Variants in SORBS2 observed in about 807,000 individuals in gnomAD.
SORBS2 encodes the protein sorbin and SH3 domain-containing protein 2.
SORBS2 carries 46 observed loss-of-function variants against 97.7 expected under a neutral mutation model. That is an observed-to-expected ratio of 0.47 (90% CI 0.37 to 0.60). SORBS2 has a LOEUF of 0.60. Ranked by LOEUF, SORBS2 falls within the 20% of genes least tolerant of loss-of-function variation. The pLI, the probability that SORBS2 is intolerant of heterozygous loss-of-function variation, is 0.00. For missense variants in SORBS2, 1,316 were observed against 1,282.3 expected (o/e 1.03, Z -0.40); for synonymous variants, 476 against 473.4 (o/e 1.01, Z -0.07).
exon 11 of SORBS2, chr4:185,614,930 A>C: frequency 1.9e-6 from 3 of 1,614,162 alleles, no homozygotes; most frequent in Non-Finnish European, 1.7e-6. Context: ...GTGGTCTTGC[A>C]GGCTGTGCTT....
chr4:185,838,371 C>A (rs1302858898), intron 1 of SORBS2, among the ~76,000 whole-genome samples: 2 of 152,250 alleles, frequency 1.3e-5, no homozygotes, highest in Non-Finnish European at 2.9e-5. Context: ...ACCATCATGC[C>A]AGGGGCGTCA....
At chr4:185,723,488 T>C (rs755886572) in intron 2 of SORBS2, among the ~76,000 whole-genome samples, 1 of 152,162 alleles carries the variant, frequency 6.6e-6, no homozygotes, top group Non-Finnish European at 1.5e-5. Context: ...CTAAGGGAAG[T>C]TGGGAGAAGA....
intron 1 of SORBS2, among the ~76,000 whole-genome samples, chr4:185,943,687 G>T (rs775210967): frequency 6.6e-6 from 1 of 152,084 alleles, no homozygotes; most frequent in Non-Finnish European, 1.5e-5. Context: ...AAGAACAAAA[G>T]AATAAAATAA....
At chr4:185,888,130 A>C (rs1399205634) in intron 1 of SORBS2, among the ~76,000 whole-genome samples, 1 of 151,454 alleles carries the variant, frequency 6.6e-6, no homozygotes, top group Non-Finnish European at 1.5e-5. Context: ...ATTTATTCTG[A>C]GTTTTCATTG....
chr4:185,585,702 T>G (rs932392164), exon 15 of SORBS2: 8 of 152,236 alleles, frequency 5.3e-5, no homozygotes, highest in African/African-American at 1.9e-4. Flanking sequence ...GATATTGAAG[T>G]CTTTTCTCAT....
At chr4:185,819,742 T>TG (rs1159981092) in intron 1 of SORBS2, among the ~76,000 whole-genome samples, 1 of 152,202 alleles carries the variant, frequency 6.6e-6, no homozygotes, top group Non-Finnish European at 1.5e-5. Context: ...CATTCCTGCC[T>TG]GGGGGTGTCC....
chr4:185,677,065 T>A (rs1477843383), intron 4 of SORBS2: 1 of 1,551,600 alleles, frequency 6.4e-7, no homozygotes. Flanking sequence ...TGAAGAGGTA[T>A]CTTTGCAGTC....
exon 10 of SORBS2, chr4:185,615,069 G>T: frequency 1.9e-6 from 3 of 1,613,584 alleles, no homozygotes; most frequent in Non-Finnish European, 2.5e-6. Flanking sequence ...TCGGGAAGAT[G>T]CCCACTCTCC....
chr4:185,720,323 C>A (rs1222055498), intron 2 of SORBS2, among the ~76,000 whole-genome samples: 1 of 120,430 alleles, frequency 8.3e-6, no homozygotes, highest in Non-Finnish European at 1.8e-5. Context: ...AGAATCCAGA[C>A]AATTTCAATA....
chr4:185,906,299 C>T (rs1413669106), intron 1 of SORBS2, among the ~76,000 whole-genome samples: 1 of 152,196 alleles, frequency 6.6e-6, no homozygotes, highest in African/African-American at 2.4e-5. Flanking sequence ...TCCCAAAGTG[C>T]TGGGATTATA....
At chr4:185,882,317 CTT>C (rs1284089152) in intron 1 of SORBS2, among the ~76,000 whole-genome samples, 1 of 152,040 alleles carries the variant, frequency 6.6e-6, no homozygotes, top group Non-Finnish European at 1.5e-5. Flanking sequence ...ATAATAGGAA[CTT>C]TATTTGAAAA....
At chr4:185,769,401 A>G (rs2098956317) in intron 2 of SORBS2, among the ~76,000 whole-genome samples, 1 of 152,254 alleles carries the variant, frequency 6.6e-6, no homozygotes, top group African/African-American at 2.4e-5. Context: ...GTTGTTTGGC[A>G]TCACCATCAT....
intron 1 of SORBS2, among the ~76,000 whole-genome samples, chr4:185,845,646 G>A (rs992689370): frequency 8.5e-5 from 13 of 152,088 alleles, no homozygotes; most frequent in Non-Finnish European, 1.3e-4. Context: ...CACAAAATAT[G>A]TATCTGATAA....
At chr4:185,944,715 CTT>C (rs986241928) in intron 1 of SORBS2, among the ~76,000 whole-genome samples, 6 of 152,152 alleles carry the variant, frequency 3.9e-5, no homozygotes, top group African/African-American at 1.4e-4. Context: ...CCTCAAGTGA[CTT>C]TACATCCTGG....
intron 5 of SORBS2, 31 bp downstream of exon 8, chr4:185,662,073 C>G: frequency 6.2e-7 from 1 of 1,612,388 alleles, no homozygotes; most frequent in Non-Finnish European, 8.5e-7. Flanking sequence ...ATTGAGGTTG[C>G]CATGGAAATC....
rs554191741 is a variant in SORBS2, at chr4:185,672,276, C to T, written c.-46+6147G>A. Among the ~76,000 whole-genome samples the T allele has an allele frequency of 3.3e-5, 5 of 152,336 alleles. No homozygotes were observed. In the South Asian group the frequency reaches 6.2e-4, roughly 19 times the overall value. On this transcript the variant is annotated intron_variant, in intron 4 of 20. Coordinates refer to the SORBS2 transcript ENST00000284776. ...CAGTCGGGCAAGTTCCCCTGTGAGT[C>T]CCCAGCATATGTGCAGTGGCAGCTG...
At chr4:185,593,822 G>T in intron 13 of SORBS2, 64 bp downstream of exon 25, 1 of 1,039,576 alleles carries the variant, frequency 9.6e-7, no homozygotes, top group Non-Finnish European at 1.5e-6. Context: ...TTACATTTTG[G>T]TACAGTTGTC....
chr4:185,687,513 G>A (rs1036220558), intron 2 of SORBS2, among the ~76,000 whole-genome samples: 2 of 152,202 alleles, frequency 1.3e-5, no homozygotes, highest in African/African-American at 4.8e-5. Context: ...TGGCTTCTAA[G>A]TTGTTAGAAC....
chr4:185,639,076 A>C (rs2097082322), intron 4 of SORBS2, 41 bp from the exon 14 acceptor site: 1 of 1,487,782 alleles, frequency 6.7e-7, no homozygotes, highest in Non-Finnish European at 8.9e-7. Flanking sequence ...CATTAGATGG[A>C]GGCTCTGGGC....
Sources: allele counts gnomAD v4.1 joint callset (sites outside exome capture counted in the v4.1 genomes callset), GRCh38; gene constraint gnomAD v4.1.1; transcripts MANE v1.5; gene names NCBI Gene and HGNC (gene_info 2026-07-23, HGNC 2026-07-21).